The following TRNAU1AP variants were observed in gnomAD, a reference collection of about 807,000 sequenced individuals.
The protein encoded by TRNAU1AP is tRNA selenocysteine 1 associated protein 1, also known as tRNA selenocysteine 1-associated protein 1.
A neutral mutation model predicts 43.3 loss-of-function variants in TRNAU1AP; 33 were observed. That is an observed-to-expected ratio of 0.76 (90% CI 0.58 to 1.02). The LOEUF (loss-of-function observed/expected upper bound fraction) is 1.02. Ranked by LOEUF, TRNAU1AP falls within the 50% of genes least tolerant of loss-of-function variation. The pLI is 0.00. For missense variants in TRNAU1AP, 290 were observed against 362.7 expected, an observed-to-expected ratio of 0.80 and a Z score of 1.63; for synonymous variants, 143 against 129.1, an observed-to-expected ratio of 1.11 and a Z score of -0.73.
At chr1:28,575,080 TGCC>T (rs1466640806) in intron 8 of TRNAU1AP, among the ~76,000 whole-genome samples, 1 of 152,224 alleles carries the variant, frequency 6.6e-6, no homozygotes, top group African/African-American at 2.4e-5. Context: ...TGGGAGACAT[TGCC>T]TTCTTTCTAG....
chr1:28,561,321 A>T (rs1553121999), intron 3 of TRNAU1AP, 25 bp from the exon 4 acceptor site: 2 of 1,613,900 alleles, frequency 1.2e-6, no homozygotes, highest in Middle Eastern at 1.6e-4. Flanking sequence ...TCTCTGTTTT[A>T]GTTTGTTTGT....
In TRNAU1AP at chr1:28,575,108, A is replaced by G. The variant is rs1012876849; in HGVS notation, c.728-2392A>G. On this transcript the variant is annotated intron_variant, in intron 8 of 8. Coordinates refer to ENST00000373830, the MANE Select transcript of TRNAU1AP (RefSeq NM_017846.5). ...CTTCTTTCTAGAGATAATTAGCCTC[A>G]TAATATCTGTAGATAAGTCCTTAGA... Among the ~76,000 whole-genome samples, 21 of 152,300 alleles carry G rather than the reference A, an allele frequency of 1.4e-4. No homozygotes were observed. In the East Asian group the frequency reaches 2.1e-3, roughly 15 times the overall value.
chr1:28,554,800 C>T (rs959232405), intron 2 of TRNAU1AP, among the ~76,000 whole-genome samples: 69 of 150,724 alleles, frequency 4.6e-4, no homozygotes, highest in African/African-American at 1.6e-3. Context: ...GCCGAGATCG[C>T]TCCACTCCAC....
intron 8 of TRNAU1AP, among the ~76,000 whole-genome samples, chr1:28,575,856 C>CT (rs34983069): frequency 0.089 from 5,394 of 60,704 alleles, 761 homozygotes; most frequent in African/African-American, 0.18. Context: ...CTGCGCCTGG[C>CT]TTTTTTTTTT....
chr1:28,577,685 C>T lies in TRNAU1AP; in HGVS notation c.*49C>T. ...TGCATGATGTGAGGGAGATGAGAGA[C>T]TCCTTTTTAAAAATTGTGAAACCTT... On this transcript the variant is annotated 3_prime_UTR_variant, in exon 9 of 9. Coordinates refer to ENST00000373830, the MANE Select transcript of TRNAU1AP (RefSeq NM_017846.5). The T allele has an allele frequency of 6.5e-7, 1 of 1,544,172 alleles. No individual in the cohort carries two copies. The highest frequency in any genetic ancestry group is 8.7e-7 in the Non-Finnish European group (1 of 1,145,246).
intron 8 of TRNAU1AP, among the ~76,000 whole-genome samples, chr1:28,577,089 C>T (rs1310211205): frequency 6.6e-6 from 1 of 152,200 alleles, no homozygotes; most frequent in African/African-American, 2.4e-5. Context: ...CACACACATA[C>T]ATACATACAG....
At chr1:28,566,789 G>T (rs1344679451) in intron 5 of TRNAU1AP, among the ~76,000 whole-genome samples, 2 of 151,274 alleles carry the variant, frequency 1.3e-5, no homozygotes, top group South Asian at 2.1e-4. Flanking sequence ...GAGAGAAAAT[G>T]CTCTGCGCAG....
chr1:28,568,585 T>A (rs1313685389), intron 6 of TRNAU1AP, among the ~76,000 whole-genome samples: 1 of 152,124 alleles, frequency 6.6e-6, no homozygotes, highest in Non-Finnish European at 1.5e-5. Flanking sequence ...AGATCTTTTA[T>A]CCTTTAGCCA....
chr1:28,571,323 C>T lies in TRNAU1AP; in HGVS notation c.678C>T (p.Thr226=). Residue 226 remains threonine (T), a synonymous_variant, in exon 7 of 9, where the codon ACC becomes ACT. Coordinates refer to ENST00000373830, the MANE Select transcript of TRNAU1AP (RefSeq NM_017846.5). ...YSYSYPQYGY[T]QSTMQTYEEV... is the part of the protein sequence containing the mutation. Reference sequence around the variant, plus strand: ...ACAGTTACCCCCAGTATGGCTATACCCAGAGCACCATGCAGGTAACCATGA... The same window carrying T: ...ACAGTTACCCCCAGTATGGCTATACTCAGAGCACCATGCAGGTAACCATGA... 3 of 1,613,804 alleles carry T rather than the reference C, an allele frequency of 1.9e-6. No individual in the cohort carries two copies. The highest frequency in any genetic ancestry group is 2.5e-6 in the Non-Finnish European group (3 of 1,179,840).
At chr1:28,577,475 G>C in intron 8 of TRNAU1AP, 25 bp from the exon 9 acceptor site, 1 of 1,612,378 alleles carries the variant, frequency 6.2e-7, no homozygotes, top group African/African-American at 1.3e-5. Flanking sequence ...AGACTTCCCT[G>C]ACCCCATCCT....
At chr1:28,554,932 T>C (rs1432922253) in intron 2 of TRNAU1AP, among the ~76,000 whole-genome samples, 1 of 151,906 alleles carries the variant, frequency 6.6e-6, no homozygotes, top group Non-Finnish European at 1.5e-5. Flanking sequence ...TTAACTCTTA[T>C]GCCATTCATT....
intron 4 of TRNAU1AP, among the ~76,000 whole-genome samples, chr1:28,562,997 G>A (rs1665449394): frequency 6.6e-6 from 1 of 150,504 alleles, no homozygotes; most frequent in Non-Finnish European, 1.5e-5. Flanking sequence ...CTGGGTCCAA[G>A]CAATTCTCCT....
chr1:28,553,504 C>G (rs1245297480), intron 1 of TRNAU1AP, 136 bp from the exon 2 acceptor site: 2 of 796,686 alleles, frequency 2.5e-6, no homozygotes, highest in Non-Finnish European at 4.1e-6. Flanking sequence ...TTTCAGGCCG[C>G]TCAGTGGAGG....
chr1:28,573,972 C>T (rs531753783), intron 8 of TRNAU1AP, among the ~76,000 whole-genome samples: 7 of 151,386 alleles, frequency 4.6e-5, no homozygotes, highest in South Asian at 4.2e-4. Context: ...TGTCTAGGCA[C>T]GGTGGCTAAA....
At chr1:28,575,382 T>C (rs982712183) in intron 8 of TRNAU1AP, among the ~76,000 whole-genome samples, 5 of 151,994 alleles carry the variant, frequency 3.3e-5, no homozygotes, top group African/African-American at 1.2e-4. Flanking sequence ...CTCTATCTTT[T>C]GACCTCATGA....
Position 28,573,036 on chromosome 1 carries a change from C to CTT in TRNAU1AP, c.727+1151_727+1152dup, listed in dbSNP as rs534588648. Among the ~76,000 whole-genome samples, 161 of 133,738 alleles carry CTT rather than the reference C, an allele frequency of 1.2e-3. 1 individual carries two copies. Among genetic ancestry groups the CTT allele is most frequent in the African/African-American group, 2.4e-3 (88 of 35,980 alleles). The allele number at this position is 133,738 out of a possible 152,430, so 87.7% of individuals were successfully genotyped here. A position where few individuals can be genotyped will look rare whatever the true frequency, so the allele number is the denominator to read the frequency against. On this transcript the variant is annotated intron_variant, in intron 8 of 8. Transcript: ENST00000373830. ...TAGCCATTATTAATTTTTTCTTTTT[C>CTT]TTTTTTTTTTTTTTTTGAGGCAGAG...
chr1:28,560,994 T>C (rs1257165505), intron 3 of TRNAU1AP: 4 of 1,247,298 alleles, frequency 3.2e-6, no homozygotes, highest in African/African-American at 1.5e-5. Context: ...CATTCTGCAT[T>C]GCTGCCTCCC....
chr1:28,563,376 C>T (rs1483571696), intron 4 of TRNAU1AP, among the ~76,000 whole-genome samples: 2 of 151,826 alleles, frequency 1.3e-5, no homozygotes, highest in African/African-American at 2.4e-5. Context: ...AGAGAAACCC[C>T]GTCTCTACTA....
At chr1:28,558,952 C>G (rs1334992473) in intron 2 of TRNAU1AP, among the ~76,000 whole-genome samples, 1 of 152,144 alleles carries the variant, frequency 6.6e-6, no homozygotes, top group Non-Finnish European at 1.5e-5. Flanking sequence ...CATAGCAGGT[C>G]TACATTTAAA....
Sources: allele counts gnomAD v4.1 joint callset (sites outside exome capture counted in the v4.1 genomes callset), GRCh38; gene constraint gnomAD v4.1.1; transcripts MANE v1.5; gene names NCBI Gene and HGNC (gene_info 2026-07-23, HGNC 2026-07-21).